The following DLG1 variants were observed in gnomAD, a reference collection of about 807,000 sequenced individuals.
DLG1 encodes the protein disks large homolog 1.
DLG1 carries 42 observed loss-of-function variants against 123.4 expected under a neutral mutation model. That is an observed-to-expected ratio of 0.34 (90% CI 0.27 to 0.44). The LOEUF (loss-of-function observed/expected upper bound fraction) is 0.44. Ranked by LOEUF, DLG1 falls within the 20% of genes least tolerant of loss-of-function variation. DLG1 has a pLI of 1.00. For synonymous variants in DLG1, 317 were observed against 356.2 expected (o/e 0.89, Z 1.24); for missense variants, 942 against 1,082.6 (o/e 0.87, Z 1.82).
At chr3:197,256,175 G>A (rs1399061611) in intron 4 of DLG1, among the ~76,000 whole-genome samples, 1 of 152,194 alleles carries the variant, frequency 6.6e-6, no homozygotes, top group African/African-American at 2.4e-5. Flanking sequence ...CACTAGATGA[G>A]AAGTTCATCT....
intron 10 of DLG1, among the ~76,000 whole-genome samples, chr3:197,134,551 T>C (rs527894581): frequency 6.6e-6 from 1 of 151,920 alleles, no homozygotes; most frequent in Non-Finnish European, 1.5e-5. Context: ...AAAAACCAAC[T>C]TCCTACTATG....
intron 5 of DLG1, among the ~76,000 whole-genome samples, chr3:197,167,760 T>C (rs182961168): frequency 3.9e-5 from 6 of 152,358 alleles, no homozygotes; most frequent in African/African-American, 7.2e-5. Context: ...AGTTTGCACA[T>C]AGGCATACAT....
chr3:197,269,930 A>G (rs1220885985), intron 4 of DLG1, among the ~76,000 whole-genome samples: 1 of 152,210 alleles, frequency 6.6e-6, no homozygotes, highest in Non-Finnish European at 1.5e-5. Context: ...CTATTAATAC[A>G]ATATTTTGCA....
chr3:197,107,789 T>C (rs1767442852), intron 13 of DLG1, among the ~76,000 whole-genome samples: 1 of 151,332 alleles, frequency 6.6e-6, no homozygotes, highest in Non-Finnish European at 1.5e-5. Flanking sequence ...TTTTCTTGCT[T>C]TTTATTCTGG....
chr3:197,068,693 T>C (rs1560449984), intron 19 of DLG1, among the ~76,000 whole-genome samples: 3 of 152,158 alleles, frequency 2.0e-5, no homozygotes, highest in African/African-American at 4.8e-5. Flanking sequence ...AAACCAAGAA[T>C]GTAATATAAA....
At chr3:197,131,656 G>C (rs1201520991) in intron 10 of DLG1, among the ~76,000 whole-genome samples, 2 of 141,000 alleles carry the variant, frequency 1.4e-5, no homozygotes, top group African/African-American at 2.7e-5. Context: ...TGCAGTGGCG[G>C]GATCTCAGCT....
At chr3:197,183,469 A>T in intron 5 of DLG1, 2 of 1,016,044 alleles carry the variant, frequency 2.0e-6, no homozygotes, top group Non-Finnish European at 2.8e-6. Context: ...TACACATCCA[A>T]GGTTTCAAGG....
chr3:197,148,360 G>C (rs1792133902), intron 6 of DLG1, among the ~76,000 whole-genome samples: 1 of 142,714 alleles, frequency 7.0e-6, no homozygotes, highest in African/African-American at 2.6e-5. Context: ...GCAGTGAGCT[G>C]AGATTGTGCC....
chr3:197,268,049 T>A (rs776007355), intron 4 of DLG1, among the ~76,000 whole-genome samples: 1 of 152,150 alleles, frequency 6.6e-6, no homozygotes, highest in African/African-American at 2.4e-5. Context: ...ATTGAAAACA[T>A]ATAAAGTTAG....
intron 14 of DLG1, among the ~76,000 whole-genome samples, chr3:197,098,229 A>G (rs1579118684): frequency 6.6e-6 from 1 of 152,184 alleles, no homozygotes; most frequent in East Asian, 1.9e-4. Context: ...TAAGATGTGT[A>G]TTACATTTCA....
At chr3:197,198,024 A>G (rs530078821) in intron 4 of DLG1, among the ~76,000 whole-genome samples, 2 of 152,342 alleles carry the variant, frequency 1.3e-5, no homozygotes, top group South Asian at 4.1e-4. Flanking sequence ...GTTAGAAAAC[A>G]TAAGTGTAAA....
rs1740593030 is a variant in DLG1 at position 197,227,492 on chromosome 3, A to C, written c.319-32903T>G. On this transcript the variant is annotated intron_variant, in intron 4 of 24. Coordinates refer to ENST00000667157, the MANE Select transcript of DLG1 (RefSeq NM_001366207.1). ...TCCATCTCAAAAAAAAACCAAAAAA[A>C]CAAAAAACAAAAACAAGAACAATTT... is the stretch of plus-strand genomic sequence containing the variant. Among the ~76,000 whole-genome samples, 3 of 152,126 alleles carry C rather than the reference A, an allele frequency of 2.0e-5. 1 individual carries two copies. The highest frequency in any genetic ancestry group is 2.1e-4 in the South Asian group (1 of 4,824).
intron 14 of DLG1, among the ~76,000 whole-genome samples, chr3:197,104,573 T>C (rs1405331859): frequency 6.6e-6 from 1 of 152,034 alleles, no homozygotes. Context: ...TCCCAGTTAC[T>C]TGGGAGGCTG....
chr3:197,285,031 A>AG (rs2151177550), intron 3 of DLG1, among the ~76,000 whole-genome samples: 1 of 145,904 alleles, frequency 6.9e-6, no homozygotes, highest in Non-Finnish European at 1.5e-5. Context: ...TATCTATTAA[A>AG]AAAAAAAAAA....
At chr3:197,250,980 C>CAAAA (rs34378051) in intron 4 of DLG1, among the ~76,000 whole-genome samples, 6 of 87,084 alleles carry the variant, frequency 6.9e-5, no homozygotes, top group Admixed American at 1.4e-4. Flanking sequence ...AAGACTCCAT[C>CAAAA]AAAAAAAAAA....
intron 11 of DLG1, among the ~76,000 whole-genome samples, chr3:197,126,175 G>A (rs1356700571): frequency 1.3e-5 from 2 of 151,928 alleles, no homozygotes; most frequent in Non-Finnish European, 2.9e-5. Context: ...TAACAGATGG[G>A]GGAAAAAGTA....
At chr3:197,241,110 T>G (rs909596553) in intron 4 of DLG1, among the ~76,000 whole-genome samples, 2 of 151,878 alleles carry the variant, frequency 1.3e-5, no homozygotes, top group African/African-American at 2.4e-5. Flanking sequence ...TAATCAAATT[T>G]GAAAAGTCAA....
intron 23 of DLG1, among the ~76,000 whole-genome samples, chr3:197,052,061 G>C (rs142991480): frequency 6.6e-6 from 1 of 151,936 alleles, no homozygotes; most frequent in East Asian, 1.9e-4. Context: ...GGCTGGTCCC[G>C]AACTCCTGAC....
At position 197,273,220 on chromosome 3, in the gene DLG1, G is replaced by GTA. The variant is rs561197409; in HGVS notation, c.318+9457_318+9458dup. Among the ~76,000 whole-genome samples the GTA allele has an allele frequency of 6.1e-4, 89 of 144,884 alleles. 2 individuals are homozygous for GTA. The South Asian group carries it at 0.014, about 23-fold the overall frequency. ...TGTGTGTGTGTGTGTGTATGTGTGT[G>GTA]TATATATATATATTTTTTTCTTTAT... On this transcript the variant is annotated intron_variant, in intron 4 of 24. Coordinates refer to ENST00000667157, the MANE Select transcript of DLG1 (RefSeq NM_001366207.1).
Sources: gnomAD v4.1 joint callset for allele counts (sites outside exome capture counted in the v4.1 genomes callset) on GRCh38, gnomAD v4.1.1 for gene constraint, MANE v1.5 for transcripts, NCBI Gene and HGNC (gene_info 2026-07-23, HGNC 2026-07-21) for gene names.